ADGRG3: variants seen among roughly 807,000 people sequenced by gnomAD.
ADGRG3 encodes G protein-coupled receptor 97.
ADGRG3 carries 39 observed loss-of-function variants against 54.3 expected under a neutral mutation model. That is an observed-to-expected ratio of 0.72 (90% CI 0.56 to 0.94). The LOEUF (loss-of-function observed/expected upper bound fraction) is 0.94. ADGRG3 is among the 40% of genes least tolerant of loss of function. The pLI, the probability that ADGRG3 is intolerant of heterozygous loss-of-function variation, is 0.00. For missense variants in ADGRG3, 654 were observed against 694.6 expected (o/e 0.94, Z 0.66); for synonymous variants, 312 against 290.0 (o/e 1.08, Z -0.77).
Position 57,680,266 on chromosome 16 carries a change from G to A in ADGRG3, c.669G>A (p.Gly223=). The part of the protein sequence containing the change: ...LTCVFWDVTK[G]TTGDWSSEGC... ...CTGTTCCCCTGGCCTCCTCTCCAGG[G>A]ACCACTGGAGACTGGTCTTCTGAGG... is the stretch of plus-strand genomic sequence containing the variant. The change falls in exon 7 of 12, where the codon GGG becomes GGA. Residue 223 remains glycine, a splice_region_variant and synonymous_variant. Coordinates refer to ENST00000333493, the MANE Select transcript of ADGRG3 (RefSeq NM_170776.5). The A allele has an allele frequency of 1.9e-6, 3 of 1,600,766 alleles. No homozygotes were observed. The highest frequency in any genetic ancestry group is 2.2e-5 in the East Asian group (1 of 44,646).
chr16:57,688,265 T>G (rs1263143519), intron 11 of ADGRG3, 87 bp from the exon 12 acceptor site: 1 of 833,314 alleles, frequency 1.2e-6, no homozygotes, highest in Non-Finnish European at 2.1e-6. Flanking sequence ...ACGGTGGGTC[T>G]CCTCCCTCTC....
Position 57,685,880 on chromosome 16 carries a change from G to A in ADGRG3, c.1494G>A (p.Leu498=), listed in dbSNP as rs1000691433. ...VTWGLAIFTP[L]GLSTVYIFAL... is the part of the protein sequence containing the mutation. ...GGGGGTTGGCCATCTTCACCCCGTT[G>A]GGCCTCTCCACCGTCTACATCTTTG... Residue 498 remains leucine (L), a synonymous_variant, in exon 11 of 12, where the codon TTG becomes TTA. Transcript: ENST00000333493. 2 of 1,614,128 alleles carry A rather than the reference G, an allele frequency of 1.2e-6. No individual in the cohort carries two copies. Among genetic ancestry groups the A allele is most frequent in the Middle Eastern group, 1.6e-4 (1 of 6,062 alleles).
intron 11 of ADGRG3, 148 bp from the exon 12 acceptor site, chr16:57,688,204 T>G: frequency 1.5e-6 from 1 of 646,806 alleles, no homozygotes; most frequent in East Asian, 2.5e-5. Context: ...ATTTTTGAAA[T>G]GGTTGTGAAA....
At chr16:57,669,157 A>G (rs775034115) in intron 1 of ADGRG3, among the ~76,000 whole-genome samples, 1 of 151,946 alleles carries the variant, frequency 6.6e-6, no homozygotes, top group African/African-American at 2.4e-5. Context: ...CTCCCTCCTC[A>G]GTGCTCCTGT....
At chr16:57,676,608 C>T (rs1353407650) in intron 3 of ADGRG3, among the ~76,000 whole-genome samples, 1 of 152,176 alleles carries the variant, frequency 6.6e-6, no homozygotes, top group Non-Finnish European at 1.5e-5. Flanking sequence ...GATTCAAATC[C>T]CAGCTCTGCC....
chr16:57,685,480 C>G (rs1232194507), intron 10 of ADGRG3, among the ~76,000 whole-genome samples, 163 bp from the exon 11 acceptor site: 2 of 152,150 alleles, frequency 1.3e-5, no homozygotes, highest in Admixed American at 6.5e-5. Flanking sequence ...AGACACCAGA[C>G]TGGAGCCAGG....
At chr16:57,681,741 A>AG (rs2048374834) in intron 8 of ADGRG3, among the ~76,000 whole-genome samples, 1 of 149,280 alleles carries the variant, frequency 6.7e-6, no homozygotes, top group Non-Finnish European at 1.5e-5. Flanking sequence ...AAAAAAAAAA[A>AG]AAAAAGAGAG....
intron 10 of ADGRG3, 99 bp from the exon 11 acceptor site, chr16:57,685,544 A>G: frequency 8.7e-7 from 1 of 1,154,934 alleles, no homozygotes; most frequent in Non-Finnish European, 1.3e-6. Context: ...GAAATGGGAG[A>G]GGCACCTTCA....
At chr16:57,671,781 G>A (rs1025033293) in intron 1 of ADGRG3, among the ~76,000 whole-genome samples, 13 of 152,072 alleles carry the variant, frequency 8.5e-5, no homozygotes, top group Admixed American at 4.6e-4. Context: ...CACCAAGAGG[G>A]GACCGGTTAA....
upstream of ADGRG3, among the ~76,000 whole-genome samples, chr16:57,665,737 G>A (rs2048038915): frequency 6.6e-6 from 1 of 152,130 alleles, no homozygotes; most frequent in Non-Finnish European, 1.5e-5. Context: ...CCTCCCCAAG[G>A]CCCACAGTCC....
Position 57,688,587 on chromosome 16 carries a change from G to A in ADGRG3, c.*126G>A. 3 of 680,322 alleles carry A rather than the reference G, an allele frequency of 4.4e-6. No homozygotes were observed. In the South Asian group the frequency reaches 4.8e-5, roughly 11 times the overall value. The allele number at this position is 680,322 out of a possible 1,614,324, so 42.1% of individuals were successfully genotyped here. ...AATGTGGCTGGGGAGGGAGAGGATG[G>A]GACCAGGTTGGACCACGTGGCATCA... On this transcript the variant is annotated 3_prime_UTR_variant, in exon 12 of 12. Coordinates refer to ENST00000333493, the MANE Select transcript of ADGRG3 (RefSeq NM_170776.5).
Position 57,684,494 on chromosome 16 carries a change from G to A in ADGRG3, c.1256+11G>A, listed in dbSNP as rs1348055288. 2.0e-5 allele frequency: 32 copies of A among 1,602,338 alleles called. No homozygotes were observed. The highest frequency in any genetic ancestry group is 2.7e-5 in the Non-Finnish European group (31 of 1,169,758). ...CACCTCTCTGGAGCTGTGAGTGGCGGCTGTGGGAGCAGGGGTGATGCCAGC... is the reference window on the plus strand; with the variant it reads ...CACCTCTCTGGAGCTGTGAGTGGCGACTGTGGGAGCAGGGGTGATGCCAGC... On this transcript the variant is annotated intron_variant, in intron 10 of 11. Coordinates refer to ENST00000333493, the MANE Select transcript of ADGRG3 (RefSeq NM_170776.5).
At chr16:57,679,738 C>A in intron 5 of ADGRG3, 78 bp from the exon 6 acceptor site, 1 of 1,108,458 alleles carries the variant, frequency 9.0e-7, no homozygotes, top group Non-Finnish European at 1.4e-6. Context: ...CTCGGGGGAG[C>A]ACACCGTCCT....
At chr16:57,671,942 T>A (rs1162391645) in intron 1 of ADGRG3, among the ~76,000 whole-genome samples, 1 of 152,190 alleles carries the variant, frequency 6.6e-6, no homozygotes, top group Non-Finnish European at 1.5e-5. Context: ...GCGGATCGCT[T>A]GAGCCCAGGG....
rs200967892 is a variant in ADGRG3 at position 57,676,269 on chromosome 16, G to C, written c.276G>C (p.Leu92=). 1 of 1,614,088 alleles carries C rather than the reference G, an allele frequency of 6.2e-7. No individual in the cohort carries two copies. Among genetic ancestry groups the C allele is most frequent in the South Asian group, 1.1e-5 (1 of 91,082 alleles). ...CGCAGAAGGTGAACACGCCTTTCCTGAAGGCTTTGGTCCAGAACCTCAGCA... is the reference window on the plus strand; with the variant it reads ...CGCAGAAGGTGAACACGCCTTTCCTCAAGGCTTTGGTCCAGAACCTCAGCA... ...GLTQKVNTPF[L]KALVQNLSTN... Residue 92 remains leucine, a synonymous_variant, in exon 3 of 12, where the codon CTG becomes CTC. Coordinates refer to ENST00000333493, the MANE Select transcript of ADGRG3 (RefSeq NM_170776.5).
rs1414864752 is a variant in ADGRG3 at position 57,679,281 on chromosome 16, G to GACC, written c.598_599insCCA (p.Glu199_Ile200insThr). On this transcript the variant is annotated inframe_insertion, in exon 5 of 12. Coordinates refer to ENST00000333493, the MANE Select transcript of ADGRG3 (RefSeq NM_170776.5). ...TCACCAAGCTGGCTGAGCCTCTGGA[G>GACC]ATCGTCTTCTCTCACCAGCGACCGC... 4.3e-6 allele frequency: 7 copies of GACC among 1,613,910 alleles called. No homozygotes were observed. The African/African-American group carries it at 9.3e-5, about 22-fold the overall frequency.
At position 57,688,471 on chromosome 16, in the gene ADGRG3, G is replaced by A. The variant is rs769527952; in HGVS notation, c.*10G>A. ...CGCATCTCAAGAATAGGAAGGCACGGCCCTGCAATATGGACTCAGCTCTGG... is the reference window on the plus strand; with the variant it reads ...CGCATCTCAAGAATAGGAAGGCACGACCCTGCAATATGGACTCAGCTCTGG... On this transcript the variant is annotated 3_prime_UTR_variant, in exon 12 of 12. Coordinates refer to ENST00000333493, the MANE Select transcript of ADGRG3 (RefSeq NM_170776.5). 55 of 1,492,770 alleles carry A rather than the reference G, an allele frequency of 3.7e-5. No homozygotes were observed. The highest frequency in any genetic ancestry group is 5.0e-5 in the Non-Finnish European group (53 of 1,069,470). 92.5% of individuals were successfully genotyped at this position (1,492,770 alleles called of 1,614,324 possible).
intron 11 of ADGRG3, among the ~76,000 whole-genome samples, chr16:57,686,470 C>T (rs2048475934): frequency 6.6e-6 from 1 of 152,304 alleles, no homozygotes; most frequent in East Asian, 1.9e-4. Flanking sequence ...TTGGGAATCA[C>T]ATTTGGACAT....
intron 2 of ADGRG3, among the ~76,000 whole-genome samples, chr16:57,674,060 G>A (rs2048213085): frequency 6.6e-6 from 1 of 152,154 alleles, no homozygotes; most frequent in South Asian, 2.1e-4. Context: ...AATGGGTGAG[G>A]GCGGCAGGGC....
Sources: gnomAD v4.1 joint callset for allele counts (sites outside exome capture counted in the v4.1 genomes callset) on GRCh38, gnomAD v4.1.1 for gene constraint, MANE v1.5 for transcripts, NCBI Gene and HGNC (gene_info 2026-07-23, HGNC 2026-07-21) for gene names.